EIF3L: variants seen among roughly 807,000 people sequenced by gnomAD.
EIF3L encodes eIEF associated protein HSPC021.
In EIF3L, 32 loss-of-function variants were observed where a neutral mutation model predicts 74.6. That is an observed-to-expected ratio of 0.43 (90% confidence interval 0.32 to 0.58). The LOEUF is 0.58. Among genes scored for constraint, EIF3L ranks in the 20% least tolerant of loss-of-function variants. EIF3L has a pLI of 0.06. For missense variants in EIF3L, 474 were observed against 707.8 expected (o/e 0.67, Z 3.75); for synonymous variants, 256 against 254.4 (o/e 1.01, Z -0.06).
rs755540140 is a variant in EIF3L, at chr22:37,851,498, C to A, written c.293+8C>A. ...GGACATCTATGAGAACAGGTATGGG[C>A]TACTGGCTGAAAGGGCCTCTTTCTG... On this transcript the variant is annotated splice_region_variant and intron_variant, in intron 3 of 12. Coordinates refer to ENST00000652021, the MANE Select transcript of EIF3L (RefSeq NM_016091.4). The A allele has an allele frequency of 6.3e-7, 1 of 1,582,932 alleles. No homozygotes were observed. The highest frequency in any genetic ancestry group is 8.6e-7 in the Non-Finnish European group (1 of 1,162,904).
chr22:37,863,714 A>T (rs566838677), intron 7 of EIF3L, among the ~76,000 whole-genome samples: 198 of 152,132 alleles, frequency 1.3e-3, no homozygotes, highest in African/African-American at 4.7e-3. Context: ...ATTTAAACTC[A>T]GAGCCTCACT....
At chr22:37,855,452 T>C (rs966397707) in intron 3 of EIF3L, 113 bp from the exon 4 acceptor site, 24 of 896,880 alleles carry the variant, frequency 2.7e-5, no homozygotes, top group African/African-American at 6.7e-5. Context: ...TGGCCTCAGC[T>C]CTGTTTATTT....
At chr22:37,868,052 C>G (rs370591156) in intron 7 of EIF3L, among the ~76,000 whole-genome samples, 1 of 147,318 alleles carries the variant, frequency 6.8e-6, no homozygotes, top group African/African-American at 2.5e-5. Context: ...CATCACTATT[C>G]TTTGCCTGTT....
At chr22:37,865,517 C>CT (rs1356800471) in intron 7 of EIF3L, among the ~76,000 whole-genome samples, 2 of 152,096 alleles carry the variant, frequency 1.3e-5, no homozygotes, top group African/African-American at 4.8e-5. Flanking sequence ...TCTTTTCCCC[C>CT]TTTTTGTGCT....
intron 12 of EIF3L, chr22:37,887,368 G>A (rs1479922052): frequency 6.6e-6 from 1 of 150,574 alleles, no homozygotes; most frequent in African/African-American, 2.4e-5. Flanking sequence ...CCAGCACTTT[G>A]GGAGGCTGAA....
rs547490777 is a variant in EIF3L at position 37,887,539 on chromosome 22, A to G, written c.1656+694A>G. 2.6e-5 allele frequency: 4 copies of G among 152,386 alleles called. No homozygotes were observed. In the South Asian group the frequency reaches 6.2e-4, roughly 24 times the overall value. The allele number at this position is 152,386 out of a possible 1,614,324, so 9.4% of individuals were successfully genotyped here. A position where few individuals can be genotyped will look rare whatever the true frequency, so the allele number is the denominator to read the frequency against. Reference sequence around the variant, plus strand: ...TTTGAACCTGGGAGATGGAGGCTGCAGTGAGCAGAGATCATGCCACTGCAA... The same window carrying G: ...TTTGAACCTGGGAGATGGAGGCTGCGGTGAGCAGAGATCATGCCACTGCAA... On this transcript the variant is annotated intron_variant, in intron 12 of 12. Transcript: ENST00000652021.
intron 11 of EIF3L, chr22:37,883,296 C>CAA (rs111310614): frequency 2.1e-3 from 79 of 38,088 alleles, no homozygotes; most frequent in East Asian, 3.5e-3. Flanking sequence ...AACTCCGTCT[C>CAA]AAAAAAAAAA....
At position 37,858,787 on chromosome 22, in the gene EIF3L, A is replaced by G. The variant is rs527458855; in HGVS notation, c.435+47A>G. ...TTTTTTTTTTGTTTTTGTTTTTTTA[A>G]CTCTGTGCTGTTTTTGTCCCTAGAA... On this transcript the variant is annotated intron_variant, in intron 5 of 12. Coordinates refer to ENST00000652021, the MANE Select transcript of EIF3L (RefSeq NM_016091.4). 5.3e-6 allele frequency: 8 copies of G among 1,518,292 alleles called. No individual in the cohort carries two copies. The African/African-American group carries it at 1.1e-4, about 21-fold the overall frequency. 94.1% of individuals were successfully genotyped at this position (1,518,292 alleles called of 1,614,324 possible). A position where few individuals can be genotyped will look rare whatever the true frequency, so the allele number is the denominator to read the frequency against.
chr22:37,866,174 A>G (rs745374397), intron 7 of EIF3L, among the ~76,000 whole-genome samples: 3 of 152,358 alleles, frequency 2.0e-5, no homozygotes, highest in African/African-American at 7.2e-5. Flanking sequence ...ACATGACTGT[A>G]TAAAGAGAGA....
rs1422456529 is a variant in EIF3L, at chr22:37,886,775, A to G, written c.1586A>G (p.His529Arg). ...VDFYIDKDMI[H>R]IADTKVARRY... is the part of the protein sequence containing the mutation. The stretch of plus-strand genomic sequence containing the variant: ...TGCTTTCCCCCACAGGACATGATCC[A>G]CATCGCGGACACCAAGGTCGCCAGG... Residue 529 changes from histidine to arginine, a missense_variant, in exon 12 of 13, where the codon CAC becomes CGC. Transcript: ENST00000652021. 6.2e-7 allele frequency: 1 copy of G among 1,609,744 alleles called. No individual in the cohort carries two copies. The highest frequency in any genetic ancestry group is 1.1e-5 in the South Asian group (1 of 90,990).
In EIF3L at chr22:37,863,279, T is replaced by C. The variant is rs1396853230; in HGVS notation, c.513T>C (p.Asp171=). ...CTGTGATCTCCTGCACAGATGCCGA[T>C]GGTCCTGCTCCCCTTGAACTACCCA... ...CNLFNYILNA[D]GPAPLELPNQ... is the part of the protein sequence containing the mutation. Residue 171 remains aspartate (D), a synonymous_variant, in exon 7 of 13, where the codon GAT becomes GAC. Coordinates refer to ENST00000652021, the MANE Select transcript of EIF3L (RefSeq NM_016091.4). The C allele has an allele frequency of 1.9e-6, 3 of 1,613,394 alleles. No homozygotes were observed. The highest frequency in any genetic ancestry group is 1.3e-5 in the African/African-American group (1 of 74,878).
chr22:37,865,691 T>C (rs574491257), intron 7 of EIF3L, among the ~76,000 whole-genome samples: 1 of 152,302 alleles, frequency 6.6e-6, no homozygotes, highest in East Asian at 1.9e-4. Context: ...GGCTTCCTGC[T>C]CAAGATTAGG....
At chr22:37,864,785 C>T (rs1336429881) in intron 7 of EIF3L, among the ~76,000 whole-genome samples, 2 of 152,044 alleles carry the variant, frequency 1.3e-5, no homozygotes, top group East Asian at 3.9e-4. Context: ...GTGATCCGCC[C>T]TCCTTGGCCT....
chr22:37,860,062 TAATCTC>T (rs1248374662), intron 5 of EIF3L, among the ~76,000 whole-genome samples: 1 of 152,162 alleles, frequency 6.6e-6, no homozygotes, highest in African/African-American at 2.4e-5. Context: ...ACCAATGACT[TAATCTC>T]TATCTTTAGC....
In EIF3L at chr22:37,858,219, C is replaced by CTTTTT. The variant is rs549425262; in HGVS notation, c.374-439_374-435dup. On this transcript the variant is annotated intron_variant, in intron 4 of 12. Coordinates refer to ENST00000652021, the MANE Select transcript of EIF3L (RefSeq NM_016091.4). ...TCTGAAATTAATATTTTCTTTCTTC[C>CTTTTT]TTTTTTTTTTTTTTTTTTTTTTTTT... is the stretch of plus-strand genomic sequence containing the variant. 1.4e-3 allele frequency among the ~76,000 whole-genome samples: 121 copies of CTTTTT among 85,090 alleles called. 4 individuals are homozygous for CTTTTT. The highest frequency in any genetic ancestry group is 1.5e-3 in the South Asian group (3 of 2,012). 55.8% of individuals were successfully genotyped at this position (85,090 alleles called of 152,430 possible).
At chr22:37,878,335 T>G in intron 11 of EIF3L, 164 bp downstream of exon 11, 1 of 845,200 alleles carries the variant, frequency 1.2e-6, no homozygotes, top group Non-Finnish European at 1.7e-6. Context: ...ACTAGTACTT[T>G]AGGGGAGGCT....
chr22:37,885,607 A>C (rs1436228216), intron 11 of EIF3L: 1 of 149,410 alleles, frequency 6.7e-6, no homozygotes, highest in Admixed American at 6.7e-5. Context: ...GATTGGACTA[A>C]TTTGCAATTT....
intron 11 of EIF3L, chr22:37,879,219 G>A (rs1926916831): frequency 6.6e-6 from 1 of 152,426 alleles, no homozygotes. Context: ...GCTCACCAAA[G>A]GCTGGACACG....
chr22:37,866,575 G>A (rs534123287), intron 7 of EIF3L, among the ~76,000 whole-genome samples: 4 of 152,284 alleles, frequency 2.6e-5, no homozygotes, highest in Non-Finnish European at 5.9e-5. Flanking sequence ...CACGAGGTCA[G>A]GAGTTCGAGA....
Sources: allele counts gnomAD v4.1 joint callset (sites outside exome capture counted in the v4.1 genomes callset), GRCh38; gene constraint gnomAD v4.1.1; transcripts MANE v1.5; gene names NCBI Gene and HGNC (gene_info 2026-07-23, HGNC 2026-07-21).